The following GLIS1 variants were observed in gnomAD, a reference collection of about 807,000 sequenced individuals.
GLIS1 encodes GLIS family zinc finger 1, also known as zinc finger protein GLIS1.
A neutral mutation model predicts 63.8 loss-of-function variants in GLIS1; 24 were observed. The ratio of observed to expected loss-of-function variants is 0.38; its 90% CI spans 0.27 to 0.53. The LOEUF is 0.53. GLIS1 is among the 20% of genes least tolerant of loss of function. GLIS1 has a pLI of 0.85. For missense variants in GLIS1, 1,036 were observed against 1,074.1 expected (o/e 0.96, Z 0.50); for synonymous variants, 450 against 482.5 (o/e 0.93, Z 0.88).
chr1:53,702,503 T>C (rs1358804086), intron 2 of GLIS1, among the ~76,000 whole-genome samples: 1 of 152,040 alleles, frequency 6.6e-6, no homozygotes, highest in Non-Finnish European at 1.5e-5. Context: ...GGTTTCCAGA[T>C]AGGGCAGGAA....
At chr1:53,711,553 C>T (rs927949399) in intron 2 of GLIS1, among the ~76,000 whole-genome samples, 4 of 152,130 alleles carry the variant, frequency 2.6e-5, no homozygotes, top group Admixed American at 6.5e-5. Context: ...GCTCGGGCCC[C>T]GGGGTCCGCC....
intron 2 of GLIS1, among the ~76,000 whole-genome samples, chr1:53,713,024 A>T (rs1011546531): frequency 7.9e-5 from 12 of 152,248 alleles, no homozygotes; most frequent in African/African-American, 2.9e-4. Flanking sequence ...TCAGAAATAG[A>T]GACAGTATCA....
At chr1:53,599,052 G>A (rs1645289368) in intron 3 of GLIS1, among the ~76,000 whole-genome samples, 1 of 152,226 alleles carries the variant, frequency 6.6e-6, no homozygotes, top group Non-Finnish European at 1.5e-5. Flanking sequence ...TCTGGTCTGT[G>A]AAGCAGGCCT....
intron 2 of GLIS1, among the ~76,000 whole-genome samples, chr1:53,633,012 ATGAG>A (rs1383538838): frequency 3.9e-5 from 4 of 103,356 alleles, no homozygotes; most frequent in Non-Finnish European, 7.7e-5. Flanking sequence ...AGGGGTGTGA[ATGAG>A]TGTGACCGAG....
intron 2 of GLIS1, among the ~76,000 whole-genome samples, chr1:53,689,587 G>A (rs1322676113): frequency 2.0e-5 from 3 of 151,986 alleles, no homozygotes; most frequent in South Asian, 2.1e-4. Flanking sequence ...GAAGGCAAGC[G>A]CTCAAGAGGT....
intron 2 of GLIS1, among the ~76,000 whole-genome samples, chr1:53,658,787 G>A (rs1645994944): frequency 6.6e-6 from 1 of 152,184 alleles, no homozygotes; most frequent in Admixed American, 6.5e-5. Context: ...TAGAGGACAA[G>A]GGTCAGCTTG....
chr1:53,516,742 C>T (rs986938791), intron 7 of GLIS1, among the ~76,000 whole-genome samples: 2 of 151,482 alleles, frequency 1.3e-5, no homozygotes, highest in Non-Finnish European at 2.9e-5. Context: ...CAACCCGAAA[C>T]GCGGAGGTTG....
chr1:53,523,674 C>G (rs985298666), intron 6 of GLIS1, among the ~76,000 whole-genome samples: 1 of 152,154 alleles, frequency 6.6e-6, no homozygotes, highest in Non-Finnish European at 1.5e-5. Context: ...GTGAGTTAAC[C>G]CAGCCAGGTG....
At chr1:53,717,804 T>A (rs1387146517) in intron 2 of GLIS1, among the ~76,000 whole-genome samples, 1 of 152,200 alleles carries the variant, frequency 6.6e-6, no homozygotes, top group Non-Finnish European at 1.5e-5. Flanking sequence ...AGTACAGACA[T>A]TTTTTGCCTA....
intron 2 of GLIS1, among the ~76,000 whole-genome samples, chr1:53,706,521 G>A (rs1173587): frequency 1 from 152,116 of 152,360 alleles, 75,937 homozygotes; most frequent in Non-Finnish European, 1. Context: ...ACCGCCTGCC[G>A]CCTTCAGCAT....
chr1:53,644,049 G>C lies in GLIS1; in HGVS notation c.260-43771C>G, dbSNP rs746903339. Among the ~76,000 whole-genome samples the C allele has an allele frequency of 9.2e-5, 14 of 152,178 alleles. No homozygotes were observed. In the East Asian group the frequency reaches 1.2e-3, roughly 13 times the overall value. ...TTGTTTTGAAAGGAAGGGGCAAAGTGGGGGAGGGGAGCAAGGCTCCATGTT... is the reference window on the plus strand; with the variant it reads ...TTGTTTTGAAAGGAAGGGGCAAAGTCGGGGAGGGGAGCAAGGCTCCATGTT... On this transcript the variant is annotated intron_variant, in intron 2 of 10. Coordinates refer to ENST00000628545, the MANE Select transcript of GLIS1 (RefSeq NM_001367484.1).
intron 2 of GLIS1, among the ~76,000 whole-genome samples, chr1:53,662,091 G>A (rs1026984515): frequency 3.3e-5 from 5 of 152,080 alleles, no homozygotes; most frequent in African/African-American, 4.8e-5. Flanking sequence ...TGCCCCCTGC[G>A]AAAAGGCTTA....
intron 4 of GLIS1, among the ~76,000 whole-genome samples, chr1:53,546,284 A>G (rs2100386971): frequency 6.6e-6 from 1 of 152,352 alleles, no homozygotes; most frequent in Non-Finnish European, 1.5e-5. Context: ...AAACCTTGGC[A>G]GGGAGGGCGA....
At chr1:53,568,508 G>A (rs1411043800) in intron 4 of GLIS1, among the ~76,000 whole-genome samples, 3 of 152,154 alleles carry the variant, frequency 2.0e-5, no homozygotes, top group Non-Finnish European at 4.4e-5. Context: ...TTTTAAATGT[G>A]AGAAGGACAT....
In GLIS1 at chr1:53,539,545, C is replaced by CA. The variant is rs1644619841; in HGVS notation, c.1321-9594dup. ...ACACACACACATACCACACGGTATA[C>CA]ACCCCCCCACACACACTACACATCA... is the stretch of plus-strand genomic sequence containing the variant. On this transcript the variant is annotated intron_variant, in intron 4 of 10. Transcript: ENST00000628545. The surrounding 1 kb of genome is among the most constrained non-coding windows in gnomAD (Gnocchi z 5.0). Among the ~76,000 whole-genome samples the CA allele has an allele frequency of 1.3e-4, 4 of 29,728 alleles. No homozygotes were observed. The highest frequency in any genetic ancestry group is 7.4e-4 in the Admixed American group (3 of 4,032). The allele number at this position is 29,728 out of a possible 152,430, so 19.5% of individuals were successfully genotyped here.
intron 4 of GLIS1, among the ~76,000 whole-genome samples, chr1:53,577,304 C>A (rs1411282199): frequency 6.6e-6 from 1 of 152,044 alleles, no homozygotes; most frequent in Non-Finnish European, 1.5e-5. Context: ...AGGCCTGCAC[C>A]AGCACCCACT....
At position 53,599,612 on chromosome 1, in the gene GLIS1, G is replaced by A. The variant is rs145624037; in HGVS notation, c.437+489C>T. Among the ~76,000 whole-genome samples, 1,269 of 152,372 alleles carry A rather than the reference G, an allele frequency of 8.3e-3. 14 individuals carry two copies. Among genetic ancestry groups the A allele is most frequent in the African/African-American group, 0.029 (1,214 of 41,592 alleles). On this transcript the variant is annotated intron_variant, in intron 3 of 10. Coordinates refer to ENST00000628545, the MANE Select transcript of GLIS1 (RefSeq NM_001367484.1). Reference sequence around the variant, plus strand: ...ACTGAGACCCCAGGAGAAGCTGTAGGAGGCGGGCGTCAGCCCAGTGCACAC... The same window carrying A: ...ACTGAGACCCCAGGAGAAGCTGTAGAAGGCGGGCGTCAGCCCAGTGCACAC...
chr1:53,547,404 G>T (rs1449320072), intron 4 of GLIS1, among the ~76,000 whole-genome samples: 5 of 152,236 alleles, frequency 3.3e-5, no homozygotes. Context: ...GACCAACAAT[G>T]CACCCTGGTC....
At chr1:53,596,854 G>A (rs993044210) in intron 3 of GLIS1, among the ~76,000 whole-genome samples, 1 of 152,076 alleles carries the variant, frequency 6.6e-6, no homozygotes, top group Non-Finnish European at 1.5e-5. Context: ...ATCTCAGATC[G>A]CATGTCTCTG....
Sources: gnomAD v4.1 joint callset for allele counts (sites outside exome capture counted in the v4.1 genomes callset) on GRCh38, gnomAD v4.1.1 for gene constraint, Gnocchi (gnomAD v3.1) non-coding constraint, MANE v1.5 for transcripts, NCBI Gene and HGNC (gene_info 2026-07-23, HGNC 2026-07-21) for gene names.